The following OCA2 variants were observed in gnomAD, a reference collection of about 807,000 sequenced individuals.
OCA2 encodes the protein OCA2 melanosomal transmembrane protein, also known as P protein.
Under a neutral mutation model 100.2 loss-of-function variants are expected in OCA2, and 77 were observed. The observed-to-expected ratio is 0.77, with a 90% CI of 0.64 to 0.93. The LOEUF (loss-of-function observed/expected upper bound fraction) is 0.93. OCA2 is among the 40% of genes least tolerant of loss of function. The pLI is 0.00. For missense variants in OCA2, 1,062 were observed against 1,089.1 expected (o/e 0.98, Z 0.35); for synonymous variants, 432 against 439.2 (o/e 0.98, Z 0.21).
At chr15:27,879,567 A>G (rs879327037) in intron 19 of OCA2, among the ~76,000 whole-genome samples, 3 of 151,970 alleles carry the variant, frequency 2.0e-5, no homozygotes, top group Non-Finnish European at 4.4e-5. Context: ...GTGTGATCTC[A>G]TTGTGGTTTT....
At chr15:27,863,381 G>A (rs1433610629) in intron 21 of OCA2, among the ~76,000 whole-genome samples, 1 of 152,188 alleles carries the variant, frequency 6.6e-6, no homozygotes. Context: ...TGAGGCAGGG[G>A]AGAGCTATTT....
the OCA2 span, among the ~76,000 whole-genome samples, chr15:27,722,814 TTC>T: frequency 1.0e-4 from 14 of 134,614 alleles, no homozygotes; most frequent in African/African-American, 1.4e-4. Flanking sequence ...CTCTCTCTCT[TTC>T]TCTCTCTCTC....
intron 6 of OCA2, among the ~76,000 whole-genome samples, chr15:28,021,812 G>T (rs2042602587): frequency 6.6e-6 from 1 of 152,178 alleles, no homozygotes; most frequent in African/African-American, 2.4e-5. Context: ...GGTAGGAGGG[G>T]AAAAAGTAGC....
intron 23 of OCA2, among the ~76,000 whole-genome samples, chr15:27,830,354 G>T (rs8023306): frequency 0.5 from 75,951 of 151,976 alleles, 19,559 homozygotes; most frequent in South Asian, 0.76. Flanking sequence ...CATCCATGTC[G>T]CACCATACAT....
chr15:27,803,969 G>C (rs1043112336), intron 23 of OCA2, among the ~76,000 whole-genome samples: 2 of 152,212 alleles, frequency 1.3e-5, no homozygotes, highest in African/African-American at 4.8e-5. Flanking sequence ...CCACTGGGTA[G>C]AAGCGTGATG....
rs575433707 is a variant in OCA2 at position 27,814,103 on chromosome 15, T to C, written c.2432+30856A>G. On this transcript the variant is annotated intron_variant, in intron 23 of 23. Coordinates refer to ENST00000354638, the MANE Select transcript of OCA2 (RefSeq NM_000275.3). Reference sequence around the variant, plus strand: ...CTTTGAAACATACAATCAATCAATGTTAACTACAGTCACCCTCCTGATCAA... The same window carrying C: ...CTTTGAAACATACAATCAATCAATGCTAACTACAGTCACCCTCCTGATCAA... 6.6e-5 allele frequency among the ~76,000 whole-genome samples: 10 copies of C among 152,306 alleles called. No homozygotes were observed. In the East Asian group the frequency reaches 1.9e-3, roughly 29 times the overall value.
chr15:28,098,541 CT>C (rs1278246780), intron 1 of OCA2, among the ~76,000 whole-genome samples: 1 of 152,214 alleles, frequency 6.6e-6, no homozygotes, highest in Non-Finnish European at 1.5e-5. Flanking sequence ...TCACATTGGT[CT>C]AAGTAGTGCT....
chr15:27,867,813 C>T (rs1324193102), intron 21 of OCA2, among the ~76,000 whole-genome samples: 2 of 152,226 alleles, frequency 1.3e-5, no homozygotes, highest in African/African-American at 4.8e-5. Flanking sequence ...TAACTGCTCA[C>T]AGACACTGAG....
intron 23 of OCA2, among the ~76,000 whole-genome samples, chr15:27,826,798 C>G (rs943927854): frequency 1.3e-5 from 2 of 152,252 alleles, no homozygotes; most frequent in South Asian, 2.1e-4. Context: ...CTGAGGCACA[C>G]TAGCTATTAA....
At chr15:27,922,467 TAC>T (rs2038892302) in intron 19 of OCA2, among the ~76,000 whole-genome samples, 1 of 152,242 alleles carries the variant, frequency 6.6e-6, no homozygotes, top group Admixed American at 6.5e-5. Flanking sequence ...CAGTTAACTT[TAC>T]ACAGTTATGA....
intron 2 of OCA2, among the ~76,000 whole-genome samples, chr15:28,067,854 G>T (rs914538483): frequency 8.5e-5 from 13 of 152,134 alleles, no homozygotes; most frequent in African/African-American, 3.1e-4. Context: ...GGTCCAATTG[G>T]TCAAGTGTTG....
intron 1 of OCA2, among the ~76,000 whole-genome samples, chr15:28,082,452 A>G (rs564704600): frequency 2.0e-5 from 3 of 152,324 alleles, no homozygotes; most frequent in African/African-American, 7.2e-5. Flanking sequence ...CAGTGAGAGC[A>G]AGAACCCACC....
chr15:27,736,243 T>C, the OCA2 span, among the ~76,000 whole-genome samples: 3 of 152,260 alleles, frequency 2.0e-5, no homozygotes, highest in Non-Finnish European at 4.4e-5. Context: ...TACTCCTGCT[T>C]CTTGCAATAG....
At chr15:28,018,785 A>T (rs2042489634) in intron 6 of OCA2, among the ~76,000 whole-genome samples, 1 of 152,128 alleles carries the variant, frequency 6.6e-6, no homozygotes, top group South Asian at 2.1e-4. Flanking sequence ...CTCTTGTGAG[A>T]GGTGCCCCCC....
At chr15:27,855,173 C>A (rs1428154169) in intron 21 of OCA2, among the ~76,000 whole-genome samples, 1 of 152,250 alleles carries the variant, frequency 6.6e-6, no homozygotes, top group East Asian at 1.9e-4. Flanking sequence ...CCCCGCAACT[C>A]TGTGGCCTGT....
intron 23 of OCA2, among the ~76,000 whole-genome samples, chr15:27,763,033 C>A (rs1224351436): frequency 1.3e-5 from 2 of 152,158 alleles, no homozygotes; most frequent in Non-Finnish European, 2.9e-5. Context: ...CTTTAGGATG[C>A]CCTTTTTGAC....
chr15:27,921,118 A>G (rs1211694542), intron 19 of OCA2, among the ~76,000 whole-genome samples: 1 of 151,944 alleles, frequency 6.6e-6, no homozygotes, highest in Non-Finnish European at 1.5e-5. Context: ...CAAAAAACAT[A>G]CACGTAAGTA....
chr15:27,910,706 C>T (rs1437418477), intron 19 of OCA2, among the ~76,000 whole-genome samples: 1 of 151,384 alleles, frequency 6.6e-6, no homozygotes, highest in Admixed American at 6.6e-5. Flanking sequence ...ACCTGTAATC[C>T]CAGCACTTTG....
chr15:27,953,710 C>T (rs985009318), intron 17 of OCA2, among the ~76,000 whole-genome samples: 3 of 151,790 alleles, frequency 2.0e-5, no homozygotes, highest in Non-Finnish European at 4.4e-5. Flanking sequence ...CAAATTTGCT[C>T]CTTCTGGATA....
Sources: allele counts gnomAD v4.1 joint callset (sites outside exome capture counted in the v4.1 genomes callset), GRCh38; gene constraint gnomAD v4.1.1; transcripts MANE v1.5; gene names NCBI Gene and HGNC (gene_info 2026-07-23, HGNC 2026-07-21).